PRKCA: variants seen among roughly 807,000 people sequenced by gnomAD.
PRKCA encodes the protein protein kinase C alpha, also known as protein kinase C alpha type.
A neutral mutation model predicts 87.0 loss-of-function variants in PRKCA; 27 were observed. The observed-to-expected ratio is 0.31, with a 90% CI of 0.23 to 0.43. The LOEUF (loss-of-function observed/expected upper bound fraction) is 0.43, where lower values mean the gene tolerates loss of function less well. Among genes scored for constraint, PRKCA ranks in the 20% least tolerant of loss-of-function variants. PRKCA has a pLI of 1.00. For synonymous variants in PRKCA, 329 were observed against 311.1 expected (o/e 1.06, Z -0.61); for missense variants, 518 against 852.3 (o/e 0.61, Z 4.88).
chr17:66,630,426 GC>G (rs1185438635), intron 3 of PRKCA, among the ~76,000 whole-genome samples: 1 of 152,192 alleles, frequency 6.6e-6, no homozygotes, highest in Non-Finnish European at 1.5e-5. Context: ...GTGACTTGTA[GC>G]CCCTCCCTGG....
At chr17:66,330,806 C>T (rs564026170) in intron 2 of PRKCA, among the ~76,000 whole-genome samples, 6 of 152,218 alleles carry the variant, frequency 3.9e-5, no homozygotes, top group East Asian at 3.9e-4. Flanking sequence ...GACTTGTCTG[C>T]GAGTGCGAGT....
intron 5 of PRKCA, among the ~76,000 whole-genome samples, chr17:66,676,212 C>T (rs1281658315): frequency 6.6e-6 from 1 of 152,200 alleles, no homozygotes; most frequent in African/African-American, 2.4e-5. Context: ...ACAGCGTGTT[C>T]TTCCCAGTAA....
At chr17:66,630,194 G>A (rs1263969562) in intron 3 of PRKCA, among the ~76,000 whole-genome samples, 1 of 152,228 alleles carries the variant, frequency 6.6e-6, no homozygotes, top group East Asian at 1.9e-4. Context: ...TTTTTCCTTA[G>A]AGGAATCAGT....
At chr17:66,561,398 C>T (rs1354658442) in intron 3 of PRKCA, among the ~76,000 whole-genome samples, 1 of 152,208 alleles carries the variant, frequency 6.6e-6, no homozygotes, top group Non-Finnish European at 1.5e-5. Flanking sequence ...ACATTTTACC[C>T]TTGAAGCCGG....
intron 14 of PRKCA, among the ~76,000 whole-genome samples, chr17:66,783,705 C>G (rs1402397121): frequency 6.6e-6 from 1 of 152,250 alleles, no homozygotes; most frequent in Non-Finnish European, 1.5e-5. Context: ...GGAGAAGCTT[C>G]TCACTACCCT....
chr17:66,636,121 G>C (rs754672687), intron 3 of PRKCA, among the ~76,000 whole-genome samples: 3 of 152,174 alleles, frequency 2.0e-5, no homozygotes, highest in Admixed American at 1.3e-4. Flanking sequence ...TTAGGCTCCA[G>C]ATGAGGAAAT....
At position 66,803,835 on chromosome 17, in the gene PRKCA, T is replaced by A; in HGVS notation, c.1855-38T>A. 6.2e-7 allele frequency: 1 copy of A among 1,606,006 alleles called. No homozygotes were observed. Among genetic ancestry groups the A allele is most frequent in the Non-Finnish European group, 8.5e-7 (1 of 1,174,494 alleles). On this transcript the variant is annotated intron_variant, in intron 16 of 16. Coordinates refer to ENST00000413366, the MANE Select transcript of PRKCA (RefSeq NM_002737.3). This position sits in a 1 kb window ranked among gnomAD's most constrained non-coding sequence, Gnocchi z 4.4. ...GGAGAGCTGCTCCCGCATTGTCATG[T>A]TGACTGACCTTTCCTTCTTTTTGTC...
At chr17:66,386,796 C>CTT (rs10716192) in intron 2 of PRKCA, among the ~76,000 whole-genome samples, 2 of 150,310 alleles carry the variant, frequency 1.3e-5, no homozygotes, top group African/African-American at 4.9e-5. Context: ...CTCTAAAAGC[C>CTT]TTTTTTTTTT....
chr17:66,636,523 T>G (rs914354133), intron 3 of PRKCA, among the ~76,000 whole-genome samples: 9 of 152,186 alleles, frequency 5.9e-5, no homozygotes, highest in African/African-American at 2.2e-4. Context: ...CAGCTTGGCC[T>G]TCACTCTGAC....
At chr17:66,560,066 G>A (rs1480317233) in intron 3 of PRKCA, among the ~76,000 whole-genome samples, 1 of 152,200 alleles carries the variant, frequency 6.6e-6, no homozygotes, top group Non-Finnish European at 1.5e-5. Flanking sequence ...AAGTTGGGAT[G>A]TTGGCTATTC....
chr17:66,387,284 C>T (rs993580258), intron 2 of PRKCA, among the ~76,000 whole-genome samples: 1 of 152,148 alleles, frequency 6.6e-6, no homozygotes, highest in African/African-American at 2.4e-5. Flanking sequence ...GCAGCATGGG[C>T]AGAAAAGTTG....
chr17:66,698,819 C>CAAAAAAAAA (rs59309576), intron 8 of PRKCA, among the ~76,000 whole-genome samples: 1 of 102,794 alleles, frequency 9.7e-6, no homozygotes. Flanking sequence ...ACTAAAAATA[C>CAAAAAAAAA]AAAAAAAAAA....
chr17:66,553,940 G>A (rs1533343), intron 3 of PRKCA, among the ~76,000 whole-genome samples: 6,131 of 152,254 alleles, frequency 0.04, 341 homozygotes, highest in African/African-American at 0.12. Context: ...GGACTTTGGG[G>A]TAGAATTCAG....
At chr17:66,785,147 T>C (rs1975347803) in intron 14 of PRKCA, among the ~76,000 whole-genome samples, 1 of 152,146 alleles carries the variant, frequency 6.6e-6, no homozygotes, top group African/African-American at 2.4e-5. Flanking sequence ...CTCTGTAGAC[T>C]TGGCATCTTT....
chr17:66,747,561 C>T (rs146274338), intron 13 of PRKCA, among the ~76,000 whole-genome samples: 5 of 152,334 alleles, frequency 3.3e-5, no homozygotes, highest in African/African-American at 9.6e-5. Context: ...CCCAAGGTCA[C>T]ATAGCTGGTA....
chr17:66,732,847 A>G, intron 9 of PRKCA, 22 bp downstream of exon 9: 1 of 1,606,872 alleles, frequency 6.2e-7, no homozygotes, highest in South Asian at 1.1e-5. Flanking sequence ...GTCGTCTGCA[A>G]ATTGCAGGGG....
At chr17:66,630,740 G>A (rs991440314) in intron 3 of PRKCA, among the ~76,000 whole-genome samples, 1 of 152,150 alleles carries the variant, frequency 6.6e-6, no homozygotes, top group Non-Finnish European at 1.5e-5. Flanking sequence ...CTACAAGGTG[G>A]ACGGTTTCAT....
chr17:66,474,120 T>C (rs1391919522), intron 2 of PRKCA, among the ~76,000 whole-genome samples: 1 of 152,208 alleles, frequency 6.6e-6, no homozygotes, highest in Non-Finnish European at 1.5e-5. Flanking sequence ...ACTATTACTC[T>C]TATCGTTGAT....
At chr17:66,775,748 C>A (rs1202683070) in intron 14 of PRKCA, 2 of 985,214 alleles carry the variant, frequency 2.0e-6, no homozygotes, top group African/African-American at 3.5e-5. Context: ...TTTATTCATT[C>A]ACTCACCACG....
Sources: gnomAD v4.1 joint callset for allele counts (sites outside exome capture counted in the v4.1 genomes callset) on GRCh38, gnomAD v4.1.1 for gene constraint, Gnocchi (gnomAD v3.1) non-coding constraint, MANE v1.5 for transcripts, NCBI Gene and HGNC (gene_info 2026-07-23, HGNC 2026-07-21) for gene names.